Variants in MEI4 observed in about 807,000 individuals in gnomAD.
MEI4 encodes meiotic double-stranded break formation protein 4.
A neutral mutation model predicts 31.4 loss-of-function variants in MEI4; 27 were observed. The observed-to-expected ratio is 0.86, with a 90% confidence interval of 0.63 to 1.19. The LOEUF is 1.19. Ranked by LOEUF, MEI4 falls within the 50% of genes most tolerant of loss-of-function variation. MEI4 has a pLI of 0.00. For synonymous variants in MEI4, 122 were observed against 145.4 expected (o/e 0.84, Z 1.16); for missense variants, 329 against 398.9 (o/e 0.82, Z 1.49).
intron 3 of MEI4, among the ~76,000 whole-genome samples, chr6:77,819,391 A>G (rs1303246789): frequency 6.6e-6 from 1 of 151,978 alleles, no homozygotes; most frequent in Non-Finnish European, 1.5e-5. Flanking sequence ...TAGAGATAAT[A>G]TTTTGTTTTA....
rs559912841 is a variant in MEI4 at position 77,716,334 on chromosome 6, C to G, written c.232+25431C>G. ...GAGTTTTGAGAGGTAAGAGAATATTCTGGATAAAAGAAATACCACAAGGTG... is the reference window on the plus strand; with the variant it reads ...GAGTTTTGAGAGGTAAGAGAATATTGTGGATAAAAGAAATACCACAAGGTG... On this transcript the variant is annotated intron_variant, in intron 2 of 4. Transcript: ENST00000684080. 3.9e-5 allele frequency among the ~76,000 whole-genome samples: 6 copies of G among 152,116 alleles called. No homozygotes were observed. The South Asian group carries it at 1.2e-3, about 32-fold the overall frequency.
intron 2 of MEI4, among the ~76,000 whole-genome samples, chr6:77,733,199 A>G (rs1452260238): frequency 1.3e-5 from 2 of 151,904 alleles, no homozygotes; most frequent in Non-Finnish European, 2.9e-5. Context: ...TTCAGAAGGA[A>G]TGGTACCAGC....
At chr6:77,852,672 T>C (rs1261957941) in intron 4 of MEI4, among the ~76,000 whole-genome samples, 1 of 151,364 alleles carries the variant, frequency 6.6e-6, no homozygotes, top group African/African-American at 2.4e-5. Context: ...AAATGGTGCC[T>C]CCTAGCTGCA....
chr6:77,689,994 C>G (rs918803551), intron 1 of MEI4, among the ~76,000 whole-genome samples: 3 of 151,934 alleles, frequency 2.0e-5, no homozygotes, highest in Non-Finnish European at 4.4e-5. Flanking sequence ...TATTTTAAGA[C>G]TGTGACACAC....
intron 4 of MEI4, among the ~76,000 whole-genome samples, chr6:77,899,819 T>C (rs1766152679): frequency 6.6e-6 from 1 of 152,040 alleles, no homozygotes; most frequent in Non-Finnish European, 1.5e-5. Flanking sequence ...TTATTAGATA[T>C]GCATTTAAAT....
At chr6:77,830,514 C>A (rs1389254211) in intron 4 of MEI4, among the ~76,000 whole-genome samples, 4 of 151,876 alleles carry the variant, frequency 2.6e-5, no homozygotes, top group African/African-American at 4.8e-5. Flanking sequence ...TAATTCAAAC[C>A]CAGATGTTCT....
intron 4 of MEI4, among the ~76,000 whole-genome samples, chr6:77,853,662 G>T (rs932073111): frequency 2.0e-5 from 3 of 152,078 alleles, no homozygotes; most frequent in Non-Finnish European, 2.9e-5. Context: ...AAATGTTGAG[G>T]TTTAGTATTT....
At chr6:77,879,044 A>G (rs1455039521) in intron 4 of MEI4, among the ~76,000 whole-genome samples, 2 of 152,126 alleles carry the variant, frequency 1.3e-5, no homozygotes, top group Non-Finnish European at 1.5e-5. Context: ...CATTAAGGAG[A>G]CCAGATATTT....
chr6:77,663,692 T>C (rs2127643066), intron 1 of MEI4, among the ~76,000 whole-genome samples: 1 of 152,234 alleles, frequency 6.6e-6, no homozygotes, highest in East Asian at 1.9e-4. Context: ...AAGAATGTAA[T>C]GTGGAGTGGG....
chr6:77,654,887 A>AT (rs575535098), intron 1 of MEI4, among the ~76,000 whole-genome samples: 224 of 151,816 alleles, frequency 1.5e-3, no homozygotes, highest in African/African-American at 5.2e-3. Flanking sequence ...TTTTCTTTTT[A>AT]TTTTTTTGTT....
chr6:77,783,491 G>A (rs1037264183), intron 3 of MEI4, among the ~76,000 whole-genome samples: 2 of 152,158 alleles, frequency 1.3e-5, no homozygotes, highest in Non-Finnish European at 2.9e-5. Flanking sequence ...TATAACAGAA[G>A]TATGTATTTT....
intron 1 of MEI4, among the ~76,000 whole-genome samples, chr6:77,655,675 C>T (rs1239254536): frequency 5.9e-5 from 9 of 152,102 alleles, no homozygotes; most frequent in South Asian, 4.2e-4. Context: ...CTTAAAATAA[C>T]GAAAGTACAG....
Position 77,694,880 on chromosome 6 carries a change from CA to C in MEI4, c.232+3978del, listed in dbSNP as rs1765976396. Among the ~76,000 whole-genome samples the C allele has an allele frequency of 2.0e-5, 3 of 151,054 alleles. No individual in the cohort carries two copies. In the South Asian group the frequency reaches 6.3e-4, roughly 32 times the overall value. On this transcript the variant is annotated intron_variant, in intron 2 of 4. Coordinates refer to ENST00000684080, the MANE Select transcript of MEI4 (RefSeq NM_001322247.2). The stretch of plus-strand genomic sequence containing the variant: ...TTGAACTAGTTTACAGTCCCACCAA[CA>C]GTGTAAAAGTGTTCCTATTTCTCCA...
chr6:77,794,540 T>A (rs1398132975), intron 3 of MEI4, among the ~76,000 whole-genome samples: 7 of 152,084 alleles, frequency 4.6e-5, no homozygotes, highest in Admixed American at 1.3e-4. Flanking sequence ...CCAGCCTGGG[T>A]GACAGAGTGA....
At chr6:77,838,107 A>C (rs550016975) in intron 4 of MEI4, among the ~76,000 whole-genome samples, 1 of 152,164 alleles carries the variant, frequency 6.6e-6, no homozygotes, top group South Asian at 2.1e-4. Flanking sequence ...AAAATATAAA[A>C]CCCCGCTGAC....
intron 2 of MEI4, among the ~76,000 whole-genome samples, chr6:77,729,305 C>A (rs1169507401): frequency 6.6e-6 from 1 of 152,158 alleles, no homozygotes; most frequent in Non-Finnish European, 1.5e-5. Flanking sequence ...TGCTCAAGGT[C>A]ATCACCAAGG....
At chr6:77,800,560 G>T (rs547081722) in intron 3 of MEI4, among the ~76,000 whole-genome samples, 1 of 152,220 alleles carries the variant, frequency 6.6e-6, no homozygotes. Flanking sequence ...GGGCATCCCT[G>T]TCTTGTGCCA....
chr6:77,790,867 C>T (rs11964390), intron 3 of MEI4, among the ~76,000 whole-genome samples: 5 of 151,982 alleles, frequency 3.3e-5, no homozygotes, highest in South Asian at 2.1e-4. Flanking sequence ...AAAAAGTGGG[C>T]GAAGGACAAG....
chr6:77,772,138 A>C (rs1208765147), intron 3 of MEI4, among the ~76,000 whole-genome samples: 1 of 151,924 alleles, frequency 6.6e-6, no homozygotes, highest in East Asian at 1.9e-4. Flanking sequence ...TCAGACATTT[A>C]ATTTTGAACT....
Sources: allele counts gnomAD v4.1 joint callset (sites outside exome capture counted in the v4.1 genomes callset), GRCh38; gene constraint gnomAD v4.1.1; transcripts MANE v1.5; gene names NCBI Gene and HGNC (gene_info 2026-07-23, HGNC 2026-07-21).